Variants in NR2E1 observed in about 807,000 individuals in gnomAD.
NR2E1 encodes the protein nuclear receptor subfamily 2 group E member 1, also known as nuclear receptor TLX.
NR2E1 carries 5 observed loss-of-function variants against 43.6 expected under a neutral mutation model. The observed-to-expected ratio is 0.11, with a 90% CI of 0.06 to 0.24. The LOEUF is 0.24. NR2E1 is among the 10% of genes least tolerant of loss of function. The probability of loss-of-function intolerance (pLI) is 1.00; values close to 1 mark genes in which losing one functional copy is unlikely to be tolerated. For synonymous variants in NR2E1, 191 were observed against 195.5 expected (o/e 0.98, Z 0.19); for missense variants, 287 against 496.7 (o/e 0.58, Z 4.01).
rs1311019062 is a variant in NR2E1, at chr6:108,169,804, C to CCGCCG, written c.26-1645_26-1641dup. On this transcript the variant is annotated intron_variant, in intron 1 of 8. Transcript: ENST00000368986. The surrounding 1 kb of genome is among the most constrained non-coding windows in gnomAD (Gnocchi z 6.1). ...TGGGAGGGGGGCGCCGAGCCGGTGG[C>CCGCCG]CGCCGCGCCGCGCGCCTCCCCTGCC... is the stretch of plus-strand genomic sequence containing the variant. 5.9e-5 allele frequency among the ~76,000 whole-genome samples: 9 copies of CCGCCG among 151,954 alleles called. No homozygotes were observed. Among genetic ancestry groups the CCGCCG allele is most frequent in the Non-Finnish European group, 8.8e-5 (6 of 67,980 alleles).
chr6:108,184,814 T>C (rs1774047979), intron 8 of NR2E1, among the ~76,000 whole-genome samples: 1 of 152,202 alleles, frequency 6.6e-6, no homozygotes, highest in African/African-American at 2.4e-5. Context: ...AAGAAAATTA[T>C]GTGTGGAAAA....
intron 7 of NR2E1, among the ~76,000 whole-genome samples, chr6:108,181,175 TTTTC>T (rs1212412183): frequency 6.6e-6 from 1 of 152,094 alleles, no homozygotes; most frequent in Non-Finnish European, 1.5e-5. Flanking sequence ...CAATTTCTTT[TTTTC>T]TTTCTTTTTT....
chr6:108,187,574 T>C lies in NR2E1; in HGVS notation c.*111T>C. ...CAGGAAGCATATACCGGGGAATGTGTAGCCTTCAGGAAAAAAATGCCAATT... is the reference window on the plus strand; with the variant it reads ...CAGGAAGCATATACCGGGGAATGTGCAGCCTTCAGGAAAAAAATGCCAATT... On this transcript the variant is annotated 3_prime_UTR_variant, in exon 9 of 9. Transcript: ENST00000368986. 2 of 1,251,810 alleles carry C rather than the reference T, an allele frequency of 1.6e-6. No individual in the cohort carries two copies. The highest frequency in any genetic ancestry group is 2.3e-6 in the Non-Finnish European group (2 of 863,182). The allele number at this position is 1,251,810 out of a possible 1,614,324, so 77.5% of individuals were successfully genotyped here.
intron 3 of NR2E1, among the ~76,000 whole-genome samples, chr6:108,175,836 AG>A (rs1458356192): frequency 1.3e-5 from 2 of 152,356 alleles, no homozygotes. Flanking sequence ...TGTATTGACA[AG>A]TTGTCAAGCT....
Position 108,178,253 on chromosome 6 carries a change from C to A in NR2E1, c.642+12C>A. On this transcript the variant is annotated intron_variant, in intron 5 of 8. Coordinates refer to ENST00000368986, the MANE Select transcript of NR2E1 (RefSeq NM_003269.5). ...CTTTGCAAGACCAGGTATGACCACA[C>A]TGAGGCCTTGGGAGAAAGAGAGCTG... 2 of 1,614,134 alleles carry A rather than the reference C, an allele frequency of 1.2e-6. No homozygotes were observed.
intron 3 of NR2E1, 38 bp downstream of exon 3, chr6:108,174,961 TAGTA>T (rs1333866151): frequency 6.4e-7 from 1 of 1,571,456 alleles, no homozygotes; most frequent in Non-Finnish European, 8.8e-7. Flanking sequence ...GTTGATTGAG[TAGTA>T]AGTAAATTAT....
At chr6:108,171,728 C>G in intron 2 of NR2E1, 125 bp downstream of exon 2, 1 of 1,205,128 alleles carries the variant, frequency 8.3e-7, no homozygotes, top group South Asian at 1.2e-5. Context: ...CTCTCCCTTC[C>G]TCTCCCCTCC....
chr6:108,173,571 T>A (rs979534547), intron 2 of NR2E1, among the ~76,000 whole-genome samples: 3 of 152,200 alleles, frequency 2.0e-5, no homozygotes, highest in African/African-American at 7.2e-5. Flanking sequence ...TAAAACTGCA[T>A]TCGAATGTGT....
chr6:108,166,895 T>C lies in NR2E1; in HGVS notation c.25+105T>C. On this transcript the variant is annotated intron_variant, in intron 1 of 8. Coordinates refer to ENST00000368986, the MANE Select transcript of NR2E1 (RefSeq NM_003269.5). The surrounding 1 kb of genome is among the most constrained non-coding windows in gnomAD (Gnocchi z 7.2). Reference sequence around the variant, plus strand: ...CTGGAGCGCTGCGAATCTGAGCCCCTGAGAGGGATTCCAGCGGGCGTGTGC... The same window carrying C: ...CTGGAGCGCTGCGAATCTGAGCCCCCGAGAGGGATTCCAGCGGGCGTGTGC... The C allele has an allele frequency of 1.7e-6, 2 of 1,199,566 alleles. No individual in the cohort carries two copies. Among genetic ancestry groups the C allele is most frequent in the Non-Finnish European group, 2.4e-6 (2 of 838,978 alleles). The allele number at this position is 1,199,566 out of a possible 1,614,324, so 74.3% of individuals were successfully genotyped here. A position where few individuals can be genotyped will look rare whatever the true frequency, so the allele number is the denominator to read the frequency against.
chr6:108,175,445 A>G (rs62427113), intron 3 of NR2E1, among the ~76,000 whole-genome samples: 5,723 of 152,352 alleles, frequency 0.038, 161 homozygotes, highest in South Asian at 0.1. Context: ...CATTGGGCCG[A>G]TGTGAGTCCA....
intron 1 of NR2E1, among the ~76,000 whole-genome samples, chr6:108,167,244 A>T (rs995601594): frequency 1.3e-5 from 2 of 152,206 alleles, no homozygotes; most frequent in African/African-American, 4.8e-5. Flanking sequence ...GCTATTTCAA[A>T]TAATCCTGCA....
intron 2 of NR2E1, among the ~76,000 whole-genome samples, chr6:108,173,495 T>C (rs986937099): frequency 9.9e-5 from 15 of 152,196 alleles, no homozygotes; most frequent in Admixed American, 9.8e-4. Flanking sequence ...GAAATGGATA[T>C]GAACATCTGT....
At chr6:108,176,184 G>A (rs1773893743) in intron 3 of NR2E1, 1 of 401,920 alleles carries the variant, frequency 2.5e-6, no homozygotes, top group African/African-American at 2.0e-5. Context: ...TGGTTTCCCT[G>A]CGAACCCCCT....
At position 108,187,756 on chromosome 6, in the gene NR2E1, G is replaced by A; in HGVS notation, c.*293G>A. On this transcript the variant is annotated 3_prime_UTR_variant, in exon 9 of 9. Transcript: ENST00000368986. ...GGGTTGCCACAGGCCGTGCCATTCTGCCTCTTACCTGGAAGATCAGGCTGA... is the reference window on the plus strand; with the variant it reads ...GGGTTGCCACAGGCCGTGCCATTCTACCTCTTACCTGGAAGATCAGGCTGA... 1 of 421,410 alleles carries A rather than the reference G, an allele frequency of 2.4e-6. No individual in the cohort carries two copies. The highest frequency in any genetic ancestry group is 2.2e-5 in the South Asian group (1 of 45,244). The allele number at this position is 421,410 out of a possible 1,614,324, so 26.1% of individuals were successfully genotyped here. A position where few individuals can be genotyped will look rare whatever the true frequency, so the allele number is the denominator to read the frequency against.
chr6:108,180,653 A>T lies in NR2E1; in HGVS notation c.740-154A>T, dbSNP rs1773968857. Among the ~76,000 whole-genome samples, 2 of 152,232 alleles carry T rather than the reference A, an allele frequency of 1.3e-5. No individual in the cohort carries two copies. The highest frequency in any genetic ancestry group is 2.9e-5 in the Non-Finnish European group (2 of 68,034). ...GTTATCATCCAAGAGAAGATTTTAT[A>T]TTAACTTTCATACAATATAGCCGGT... On this transcript the variant is annotated intron_variant, in intron 6 of 8. Coordinates refer to ENST00000368986, the MANE Select transcript of NR2E1 (RefSeq NM_003269.5). This position sits in a 1 kb window ranked among gnomAD's most constrained non-coding sequence, Gnocchi z 5.4.
At chr6:108,187,038 T>C (rs1056719930) in intron 8 of NR2E1, among the ~76,000 whole-genome samples, 11 of 152,278 alleles carry the variant, frequency 7.2e-5, no homozygotes, top group African/African-American at 9.6e-5. Flanking sequence ...TCTTTTTTTT[T>C]CCCAAACAAA....
chr6:108,186,494 T>C (rs995228697), intron 8 of NR2E1, among the ~76,000 whole-genome samples: 4 of 152,348 alleles, frequency 2.6e-5, no homozygotes, highest in Admixed American at 2.6e-4. Flanking sequence ...CACAGATGTG[T>C]ATCCCGGAAG....
At chr6:108,176,401 C>A in intron 3 of NR2E1, 102 bp from the exon 4 acceptor site, 1 of 1,208,178 alleles carries the variant, frequency 8.3e-7, no homozygotes, top group South Asian at 1.3e-5. Context: ...GCGATTTTGC[C>A]CGCCCAGACT....
chr6:108,187,412 T>A lies in NR2E1; in HGVS notation c.1107T>A (p.Asn369Lys), dbSNP rs771880130. Residue 369 changes from asparagine (N) to lysine (K), a missense_variant, in exon 9 of 9, where the codon AAT becomes AAA. Asn to Lys is a moderately conservative substitution (Grantham distance 94, BLOSUM62 0). Around this residue, in one of 4 missense-constraint regions of NR2E1, gnomAD observed 119 missense variants for 187.0 expected, o/e 0.64. Coordinates refer to ENST00000368986, the MANE Select transcript of NR2E1 (RefSeq NM_003269.5). ...TGTTTTTCAAAAAAACCATCGGCAA[T>A]GTGCCAATTACAAGACTGCTTTCAG... is the stretch of plus-strand genomic sequence containing the variant. Reference protein sequence around the residue: ...EEVFFKKTIGNVPITRLLSDM... With the variant: ...EEVFFKKTIGKVPITRLLSDM... The A allele has an allele frequency of 1.9e-6, 3 of 1,614,178 alleles. No individual in the cohort carries two copies. The highest frequency in any genetic ancestry group is 1.7e-6 in the Non-Finnish European group (2 of 1,180,020).
Sources: gnomAD v4.1 joint callset for allele counts (sites outside exome capture counted in the v4.1 genomes callset) on GRCh38, gnomAD v4.1.1 for gene constraint, gnomAD v4.1.1 regional missense constraint, Gnocchi (gnomAD v3.1) non-coding constraint, MANE v1.5 for transcripts, NCBI Gene and HGNC (gene_info 2026-07-23, HGNC 2026-07-21) for gene names.